The following SCN8A variants were observed in gnomAD, a reference collection of about 807,000 sequenced individuals.
The protein encoded by SCN8A is sodium channel protein type 8 subunit alpha.
Under a neutral mutation model 184.1 loss-of-function variants are expected in SCN8A, and 30 were observed. That is an observed-to-expected ratio of 0.16 (90% CI 0.12 to 0.22). SCN8A has a LOEUF of 0.22. Ranked by LOEUF, SCN8A falls within the 10% of genes least tolerant of loss-of-function variation. The pLI, the probability that SCN8A is intolerant of heterozygous loss-of-function variation, is 1.00. For missense variants in SCN8A, 1,057 were observed against 2,498.9 expected, an observed-to-expected ratio of 0.42 and a Z score of 12.30; for synonymous variants, 852 against 907.0, an observed-to-expected ratio of 0.94 and a Z score of 1.09.
chr12:51,687,414 G>A (rs548306579), intron 5 of SCN8A, among the ~76,000 whole-genome samples, 195 bp downstream of exon 5: 86 of 152,248 alleles, frequency 5.6e-4, no homozygotes, highest in Non-Finnish European at 9.7e-4. Context: ...CGATGATAAT[G>A]TGATTATGTG....
At chr12:51,606,066 C>T in intron 1 of SCN8A, among the ~76,000 whole-genome samples, 1 of 152,082 alleles carries the variant, frequency 6.6e-6, no homozygotes, top group Non-Finnish European at 1.5e-5. Context: ...TGCTGACTTC[C>T]TTGTGCCGTG....
chr12:51,602,768 A>G (rs902687491), intron 1 of SCN8A, among the ~76,000 whole-genome samples: 1 of 152,170 alleles, frequency 6.6e-6, no homozygotes, highest in South Asian at 2.1e-4. Flanking sequence ...GGGCCAATAC[A>G]CAGTTCCCCT....
At chr12:51,746,133 C>T in intron 13 of SCN8A, 98 bp downstream of exon 13, 1 of 1,177,484 alleles carries the variant, frequency 8.5e-7, no homozygotes, top group Non-Finnish European at 1.2e-6. Flanking sequence ...TTTGCAAAGA[C>T]TGTCTCTGAG....
intron 1 of SCN8A, among the ~76,000 whole-genome samples, chr12:51,621,419 C>T (rs1939959642): frequency 6.6e-6 from 1 of 152,148 alleles, no homozygotes; most frequent in Non-Finnish European, 1.5e-5. Context: ...AACCATCACT[C>T]TAAAGCATGC....
Position 51,705,540 on chromosome 12 carries a change from G to A in SCN8A, c.1258G>A (p.Ala420Thr). The A allele has an allele frequency of 1.2e-6, 2 of 1,614,028 alleles. No homozygotes were observed. Among genetic ancestry groups the A allele is most frequent in the Non-Finnish European group, 8.5e-7 (1 of 1,179,914 alleles). Residue 420 changes from alanine (A) to threonine (T), a missense_variant, in exon 10 of 27, where the codon GCA becomes ACA. By Grantham distance (58) the Ala-to-Thr change is moderately conservative. Transcript: ENST00000627620. ...VAMAYEEQNQ[A>T]TLEEAEQKEA... is the part of the protein sequence containing the mutation. ...CATGGCTTATGAAGAACAGAATCAGGCAACACTGGAGGAGGCAGAACAAAA... is the reference window on the plus strand; with the variant it reads ...CATGGCTTATGAAGAACAGAATCAGACAACACTGGAGGAGGCAGAACAAAA...
At chr12:51,654,027 T>C (rs907568438) in intron 1 of SCN8A, among the ~76,000 whole-genome samples, 4 of 152,206 alleles carry the variant, frequency 2.6e-5, no homozygotes, top group African/African-American at 7.2e-5. Context: ...TCAAGTCTTT[T>C]GTCTATTTTT....
chr12:51,592,064 C>G (rs1427697284), intron 1 of SCN8A, among the ~76,000 whole-genome samples: 1 of 124,586 alleles, frequency 8.0e-6, no homozygotes, highest in Non-Finnish European at 1.7e-5. Context: ...CACCCCCACC[C>G]CCCACCCCCA....
intron 1 of SCN8A, among the ~76,000 whole-genome samples, chr12:51,595,470 A>G (rs906397735): frequency 6.6e-6 from 1 of 152,254 alleles, no homozygotes; most frequent in Non-Finnish European, 1.5e-5. Flanking sequence ...GAAGGTTGCT[A>G]TAGTTACACT....
rs77943191 is a variant in SCN8A at position 51,718,006 on chromosome 12, A to C, written c.1636-3540A>C. ...ACACGTGAAAGATACAGGTGAGAGCATGGAATAATATGCAACTAGAATTAT... is the reference window on the plus strand; with the variant it reads ...ACACGTGAAAGATACAGGTGAGAGCCTGGAATAATATGCAACTAGAATTAT... On this transcript the variant is annotated intron_variant, in intron 11 of 26. Coordinates refer to ENST00000627620, the MANE Select transcript of SCN8A (RefSeq NM_001330260.2). 1.9e-3 allele frequency among the ~76,000 whole-genome samples: 286 copies of C among 152,366 alleles called. 3 individuals are homozygous for C. The East Asian group carries it at 0.032, about 17-fold the overall frequency.
Position 51,687,290 on chromosome 12 carries a change from T to C in SCN8A, c.614+71T>C, listed in dbSNP as rs1172684700. Reference sequence around the variant, plus strand: ...GTGTGGAGTTGTACTCCTGGGTCTGTTTGTAGGTGTGCATTTGTGGACACA... The same window carrying C: ...GTGTGGAGTTGTACTCCTGGGTCTGCTTGTAGGTGTGCATTTGTGGACACA... On this transcript the variant is annotated intron_variant, in intron 5 of 26. Coordinates refer to ENST00000627620, the MANE Select transcript of SCN8A (RefSeq NM_001330260.2). The C allele has an allele frequency of 3.9e-6, 6 of 1,557,740 alleles. No homozygotes were observed. The Admixed American group carries it at 1.1e-4, about 28-fold the overall frequency.
chr12:51,661,628 A>C (rs1406413219), intron 1 of SCN8A, among the ~76,000 whole-genome samples: 1 of 152,192 alleles, frequency 6.6e-6, no homozygotes, highest in Non-Finnish European at 1.5e-5. Flanking sequence ...GTCTTAAAAA[A>C]AAAATTCCTG....
rs145007789 is a variant in SCN8A at position 51,649,418 on chromosome 12, C to T, written c.-54-13346C>T. Among the ~76,000 whole-genome samples the T allele has an allele frequency of 1.5e-3, 221 of 152,384 alleles. 1 individual carries two copies. Among genetic ancestry groups the T allele is most frequent in the Non-Finnish European group, 1.7e-3 (113 of 68,034 alleles). ...TCCAACCCCACATTTCCCCTCTACACTGCCCTAGCAGAGGTTCTCCATAAG... is the reference window on the plus strand; with the variant it reads ...TCCAACCCCACATTTCCCCTCTACATTGCCCTAGCAGAGGTTCTCCATAAG... On this transcript the variant is annotated intron_variant, in intron 1 of 26. Transcript: ENST00000627620.
intron 12 of SCN8A, among the ~76,000 whole-genome samples, chr12:51,741,506 T>G (rs1942422954): frequency 6.6e-6 from 1 of 152,156 alleles, no homozygotes; most frequent in African/African-American, 2.4e-5. Context: ...ATTTTGTCAT[T>G]TGTTTTCTGG....
chr12:51,678,773 T>A (rs1379650567), intron 2 of SCN8A, among the ~76,000 whole-genome samples: 2 of 152,124 alleles, frequency 1.3e-5, no homozygotes, highest in East Asian at 3.9e-4. Flanking sequence ...ATGACTGTGT[T>A]TTTTAAAAAG....
chr12:51,664,744 C>T (rs976861012), intron 2 of SCN8A, among the ~76,000 whole-genome samples: 2 of 151,786 alleles, frequency 1.3e-5, no homozygotes, highest in African/African-American at 4.8e-5. Context: ...ATTTTAAGTT[C>T]AGGGGTACAT....
intron 14 of SCN8A, among the ~76,000 whole-genome samples, chr12:51,752,572 A>G (rs1333523106): frequency 1.3e-5 from 2 of 152,206 alleles, no homozygotes; most frequent in Non-Finnish European, 2.9e-5. Flanking sequence ...TATACATCCA[A>G]GATGATTCTG....
intron 14 of SCN8A, among the ~76,000 whole-genome samples, chr12:51,758,982 ATATGTG>A (rs1942722730): frequency 7.3e-6 from 1 of 137,346 alleles, no homozygotes. Context: ...GTATGTATGT[ATATGTG>A]TGTGTGTGTG....
Position 51,806,977 on chromosome 12 carries a change from G to A in SCN8A, c.5491G>A (p.Ala1831Thr), listed in dbSNP as rs767305170. The A allele has an allele frequency of 5.0e-6, 8 of 1,613,874 alleles. No homozygotes were observed. The highest frequency in any genetic ancestry group is 1.7e-5 in the Admixed American group (1 of 60,006). ...CAAGCCCAATACCATTGAGCTCATCGCTATGGATCTGCCAATGGTGAGCGG... is the reference window on the plus strand; with the variant it reads ...CAAGCCCAATACCATTGAGCTCATCACTATGGATCTGCCAATGGTGAGCGG... ...VPKPNTIELI[A>T]MDLPMVSGDR... The change falls in exon 27 of 27, where the codon GCT (alanine) becomes ACT (threonine). Residue 1831 changes from alanine (A) to threonine (T), a missense_variant. Around this residue, in one of 19 missense-constraint regions of SCN8A, gnomAD observed 50 missense variants for 125.8 expected, o/e 0.40. Transcript: ENST00000627620. The surrounding 1 kb of genome is among the most constrained non-coding windows in gnomAD (Gnocchi z 8.7).
chr12:51,688,187 A>G (rs1219285607), intron 5 of SCN8A, among the ~76,000 whole-genome samples: 1 of 152,162 alleles, frequency 6.6e-6, no homozygotes, highest in Non-Finnish European at 1.5e-5. Flanking sequence ...AGCACTTAAC[A>G]CAATATTTGC....
Sources: gnomAD v4.1 joint callset for allele counts (sites outside exome capture counted in the v4.1 genomes callset) on GRCh38, gnomAD v4.1.1 for gene constraint, gnomAD v4.1.1 regional missense constraint, Gnocchi (gnomAD v3.1) non-coding constraint, MANE v1.5 for transcripts, NCBI Gene and HGNC (gene_info 2026-07-23, HGNC 2026-07-21) for gene names.